Variants in VPS37A observed in about 807,000 individuals in gnomAD.
VPS37A encodes vacuolar protein sorting-associated protein 37A.
A neutral mutation model predicts 49.8 loss-of-function variants in VPS37A; 30 were observed. That is an observed-to-expected ratio of 0.60 (90% CI 0.45 to 0.82). The LOEUF (loss-of-function observed/expected upper bound fraction) is 0.82, where lower values mean the gene tolerates loss of function less well. VPS37A is among the 40% of genes least tolerant of loss of function. The pLI, the probability that VPS37A is intolerant of heterozygous loss-of-function variation, is 0.00. For synonymous variants in VPS37A, 195 were observed against 160.6 expected (o/e 1.21, Z -1.62); for missense variants, 593 against 464.4 (o/e 1.28, Z -2.55).
the VPS37A span, among the ~76,000 whole-genome samples, chr8:17,310,341 T>C: frequency 6.6e-6 from 1 of 152,166 alleles, no homozygotes; most frequent in African/African-American, 2.4e-5. Context: ...ATGGATAGTC[T>C]CATCAATATC....
chr8:17,273,233 G>T, intron 4 of VPS37A, among the ~76,000 whole-genome samples: 1 of 151,762 alleles, frequency 6.6e-6, no homozygotes, highest in Admixed American at 6.6e-5. Flanking sequence ...CTACTTCATT[G>T]CCGTCAGTGC....
chr8:17,319,257 A>AT, the VPS37A span, among the ~76,000 whole-genome samples: 25 of 152,318 alleles, frequency 1.6e-4, no homozygotes, highest in Admixed American at 3.3e-4. Flanking sequence ...TAAAATGGGG[A>AT]TAAAAACACC....
chr8:17,261,963 A>T (rs983444247), intron 1 of VPS37A, among the ~76,000 whole-genome samples: 1 of 152,074 alleles, frequency 6.6e-6, no homozygotes, highest in Non-Finnish European at 1.5e-5. Flanking sequence ...AGTCCTCATG[A>T]TGCTTCTGGT....
chr8:17,247,366 CCAGGTGACTGGTCGCTGCCT>C lies in VPS37A; in HGVS notation c.124_125+18del. On this transcript the variant is annotated splice_donor_variant and splice_donor_5th_base_variant and coding_sequence_variant and intron_variant, in exon 1 of 12. Coordinates refer to ENST00000324849, the MANE Select transcript of VPS37A (RefSeq NM_152415.3). LOFTEE classifies it high-confidence loss of function. ...ATCGAGTCCCTCCGGAACTCACACT[CCAGGTGACTGGTCGCTGCCT>C]CTCCACCGGAGGAAAAAGTAGGGTG... 1 of 1,445,520 alleles carries C rather than the reference CCAGGTGACTGGTCGCTGCCT, an allele frequency of 6.9e-7. No homozygotes were observed. The highest frequency in any genetic ancestry group is 9.2e-7 in the Non-Finnish European group (1 of 1,083,298). The allele number at this position is 1,445,520 out of a possible 1,614,324, so 89.5% of individuals were successfully genotyped here.
the VPS37A span, among the ~76,000 whole-genome samples, chr8:17,329,503 T>C: frequency 6.6e-6 from 1 of 152,160 alleles, no homozygotes; most frequent in Admixed American, 6.5e-5. Context: ...GCAGGAGAAA[T>C]GGTTCCTGAC....
chr8:17,269,086 C>T (rs1813739935), intron 4 of VPS37A, 130 bp downstream of exon 4: 1 of 627,576 alleles, frequency 1.6e-6, no homozygotes, highest in Middle Eastern at 3.7e-4. Context: ...TACATCCATA[C>T]TTTCAGAGGC....
downstream of VPS37A, chr8:17,299,689 TC>T (rs1816972855): frequency 1.3e-6 from 1 of 786,504 alleles, no homozygotes; most frequent in African/African-American, 1.7e-5. Context: ...GACTACGTCC[TC>T]TTCAGTATCT....
chr8:17,274,839 G>A lies in VPS37A; in HGVS notation c.523G>A (p.Val175Ile). 1.9e-6 allele frequency: 3 copies of A among 1,614,034 alleles called. No homozygotes were observed. Among genetic ancestry groups the A allele is most frequent in the East Asian group, 2.2e-5 (1 of 44,872 alleles). ...AAACAGGAGTATCACTTCTTTATCT[G>A]TTGCTGACACTGTTTCTTCTTCAAC... ...EANRSITSLS[V>I]ADTVSSSTTS... Residue 175 changes from valine (V) to isoleucine (I), a missense_variant, in exon 5 of 12, where the codon GTT (valine) becomes ATT (isoleucine). Coordinates refer to ENST00000324849, the MANE Select transcript of VPS37A (RefSeq NM_152415.3).
intron 10 of VPS37A, 51 bp from the exon 11 acceptor site, chr8:17,286,296 T>C (rs1815578548): frequency 1.4e-6 from 2 of 1,433,576 alleles, no homozygotes; most frequent in African/African-American, 2.8e-5. Context: ...AGTAAAGTAG[T>C]AGGCATATCT....
At chr8:17,308,021 A>G in the VPS37A span, among the ~76,000 whole-genome samples, 5 of 150,838 alleles carry the variant, frequency 3.3e-5, no homozygotes, top group African/African-American at 4.9e-5. Flanking sequence ...CATGTACCCT[A>G]AAACAAAGTA....
At chr8:17,309,250 T>C in the VPS37A span, 4 of 1,416,254 alleles carry the variant, frequency 2.8e-6, no homozygotes, top group South Asian at 3.5e-5. Flanking sequence ...ATTCTAAACA[T>C]TCAAAACAGT....
At chr8:17,256,258 T>G (rs916084613) in intron 1 of VPS37A, among the ~76,000 whole-genome samples, 4 of 151,996 alleles carry the variant, frequency 2.6e-5, no homozygotes, top group Non-Finnish European at 5.9e-5. Context: ...GCCTGGCTTT[T>G]TGATAAAAGT....
intron 1 of VPS37A, chr8:17,248,533 C>G (rs1244212011): frequency 2.9e-6 from 1 of 347,732 alleles, no homozygotes; most frequent in East Asian, 8.3e-5. Context: ...GCTTCGGCCT[C>G]CCAAAGTGCT....
the VPS37A span, among the ~76,000 whole-genome samples, chr8:17,318,284 A>G: frequency 6.6e-6 from 1 of 152,162 alleles, no homozygotes; most frequent in Non-Finnish European, 1.5e-5. Flanking sequence ...CAGCAGACGT[A>G]CACCAAATGC....
At chr8:17,250,697 C>G (rs1260707876) in intron 1 of VPS37A, among the ~76,000 whole-genome samples, 2 of 152,096 alleles carry the variant, frequency 1.3e-5, no homozygotes, top group East Asian at 3.9e-4. Context: ...CTCTTTTTGT[C>G]CCTTTCTCTA....
At chr8:17,274,214 T>C (rs1429490115) in intron 4 of VPS37A, among the ~76,000 whole-genome samples, 1 of 152,260 alleles carries the variant, frequency 6.6e-6, no homozygotes, top group African/African-American at 2.4e-5. Flanking sequence ...TGCGTGTTTA[T>C]ATATGCATCT....
downstream of VPS37A, chr8:17,298,972 C>G (rs1050669182): frequency 6.6e-6 from 1 of 152,160 alleles, no homozygotes; most frequent in Non-Finnish European, 1.5e-5. Context: ...TTCTCTGGTT[C>G]TTGAAACTGG....
chr8:17,331,142 T>C, the VPS37A span: 2 of 1,609,392 alleles, frequency 1.2e-6, no homozygotes, highest in African/African-American at 1.3e-5. Flanking sequence ...CATAAGGAAA[T>C]GGTTTACCTT....
At chr8:17,262,423 T>A (rs1327638601) in intron 1 of VPS37A, among the ~76,000 whole-genome samples, 2 of 152,234 alleles carry the variant, frequency 1.3e-5, no homozygotes, top group Non-Finnish European at 2.9e-5. Flanking sequence ...TGATATATTA[T>A]TACAGCTTTA....
Sources: allele counts gnomAD v4.1 joint callset (sites outside exome capture counted in the v4.1 genomes callset), GRCh38; gene constraint gnomAD v4.1.1; transcripts MANE v1.5; gene names NCBI Gene and HGNC (gene_info 2026-07-23, HGNC 2026-07-21).